RNLS: variants seen among roughly 807,000 people sequenced by gnomAD.
The protein encoded by RNLS is renalase.
In RNLS, 39 loss-of-function variants were observed where a neutral mutation model predicts 39.8. The ratio of observed to expected loss-of-function variants is 0.98; its 90% CI spans 0.76 to 1.28. The LOEUF is 1.28. Ranked by LOEUF, RNLS falls within the 50% of genes most tolerant of loss-of-function variation. RNLS has a pLI of 0.00. For missense variants in RNLS, 410 were observed against 413.3 expected (o/e 0.99, Z 0.07); for synonymous variants, 147 against 150.7 (o/e 0.98, Z 0.18).
rs188293367 is a variant in RNLS at position 88,501,989 on chromosome 10, G to A, written c.526+70914C>T. Among the ~76,000 whole-genome samples, 301 of 152,104 alleles carry A rather than the reference G, an allele frequency of 2.0e-3. 4 individuals carry two copies. The highest frequency in any genetic ancestry group is 2.7e-3 in the South Asian group (13 of 4,830). On this transcript the variant is annotated intron_variant, in intron 4 of 6. Coordinates refer to ENST00000331772, the MANE Select transcript of RNLS (RefSeq NM_001031709.3). ...ATCTGTCTCCTCTGTTAGTTTACAA[G>A]TTTCTGGAGGAAATGGAGCATAATA...
intron 4 of RNLS, among the ~76,000 whole-genome samples, chr10:88,491,952 G>GTTT (rs201580938): frequency 6.9e-6 from 1 of 144,442 alleles, no homozygotes. Context: ...GAGAAAAAGA[G>GTTT]TTTTGTTTTT....
rs918732606 is a variant in RNLS at position 88,284,482 on chromosome 10, A to T, written c.*872T>A. 2.0e-6 allele frequency: 2 copies of T among 985,230 alleles called. No homozygotes were observed. Among genetic ancestry groups the T allele is most frequent in the Non-Finnish European group, 2.4e-6 (2 of 829,910 alleles). 61.0% of individuals were successfully genotyped at this position (985,230 alleles called of 1,614,324 possible). A position where few individuals can be genotyped will look rare whatever the true frequency, so the allele number is the denominator to read the frequency against. On this transcript the variant is annotated 3_prime_UTR_variant, in exon 7 of 7. Coordinates refer to ENST00000331772, the MANE Select transcript of RNLS (RefSeq NM_001031709.3). ...ATATGCTGAACCACCAACTTGGCAA[A>T]TATTGAACTATTTTAAGTGCATCTA...
chr10:88,201,363 A>G, the RNLS span, among the ~76,000 whole-genome samples: 12 of 152,258 alleles, frequency 7.9e-5, no homozygotes, highest in South Asian at 2.5e-3. Flanking sequence ...AGAGAGTGAA[A>G]GTGATGCATG....
At chr10:88,295,983 T>C (rs1450716623) in intron 6 of RNLS, among the ~76,000 whole-genome samples, 2 of 152,170 alleles carry the variant, frequency 1.3e-5, no homozygotes, top group Non-Finnish European at 2.9e-5. Flanking sequence ...GACAGAACAA[T>C]AGTCATATTA....
intron 4 of RNLS, among the ~76,000 whole-genome samples, chr10:88,430,510 C>A (rs1380087837): frequency 2.0e-5 from 3 of 151,712 alleles, no homozygotes; most frequent in African/African-American, 7.3e-5. Flanking sequence ...TACTGTCTAA[C>A]CCCCCTAGTT....
intron 6 of RNLS, among the ~76,000 whole-genome samples, chr10:88,277,267 T>G (rs557148611): frequency 6.5e-4 from 99 of 152,092 alleles, no homozygotes; most frequent in African/African-American, 2.3e-3. Flanking sequence ...TAGGTGGGAA[T>G]TGAACAATAA....
At chr10:88,580,654 G>GA (rs1590058818) in intron 3 of RNLS, among the ~76,000 whole-genome samples, 1 of 151,994 alleles carries the variant, frequency 6.6e-6, no homozygotes, top group Non-Finnish European at 1.5e-5. Context: ...AGGAACAAAT[G>GA]AAAATCCTAA....
chr10:88,362,849 A>G, intron 4 of RNLS, 124 bp from the exon 5 acceptor site: 1 of 780,118 alleles, frequency 1.3e-6, no homozygotes, highest in Non-Finnish European at 1.9e-6. Context: ...ACTTACAATG[A>G]ATTTTGAAAG....
chr10:88,177,958 A>G, the RNLS span, among the ~76,000 whole-genome samples: 1 of 152,228 alleles, frequency 6.6e-6, no homozygotes. Flanking sequence ...GTGGGCATGC[A>G]GCATCCCTGC....
At chr10:88,501,572 AC>A (rs1314069963) in intron 4 of RNLS, among the ~76,000 whole-genome samples, 1 of 152,110 alleles carries the variant, frequency 6.6e-6, no homozygotes, top group African/African-American at 2.4e-5. Context: ...TGCCCATTGC[AC>A]CCCTGAGTTC....
At chr10:88,316,574 AT>A (rs1026130491) in intron 5 of RNLS, among the ~76,000 whole-genome samples, 2 of 152,154 alleles carry the variant, frequency 1.3e-5, no homozygotes, top group African/African-American at 4.8e-5. Flanking sequence ...TCAAAGGAAA[AT>A]GAATGCTAGC....
chr10:88,293,693 G>GAA (rs66888138), intron 6 of RNLS, among the ~76,000 whole-genome samples: 5 of 149,804 alleles, frequency 3.3e-5, no homozygotes, highest in East Asian at 3.9e-4. Flanking sequence ...ACTGGTCCAT[G>GAA]AAAAAAAAAA....
At chr10:88,270,845 G>T (rs1306686985), downstream of RNLS, among the ~76,000 whole-genome samples, 1 of 152,126 alleles carries the variant, frequency 6.6e-6, no homozygotes, top group African/African-American at 2.4e-5. Context: ...TTTGGAAAGG[G>T]TTTCTTCACT....
chr10:88,371,101 T>C (rs575097354), intron 4 of RNLS, among the ~76,000 whole-genome samples: 1 of 152,278 alleles, frequency 6.6e-6, no homozygotes, highest in South Asian at 2.1e-4. Flanking sequence ...CTGTGTGACA[T>C]TGGACGAGCT....
chr10:88,172,400 T>C, the RNLS span, among the ~76,000 whole-genome samples: 1 of 152,192 alleles, frequency 6.6e-6, no homozygotes, highest in African/African-American at 2.4e-5. Flanking sequence ...CTCATTGTGG[T>C]TTTGATTTGC....
chr10:88,414,178 T>A (rs1033380686), intron 4 of RNLS, among the ~76,000 whole-genome samples: 2 of 152,082 alleles, frequency 1.3e-5, no homozygotes, highest in African/African-American at 4.8e-5. Flanking sequence ...CTTTAGAGAT[T>A]GTATCATTAC....
intron 4 of RNLS, among the ~76,000 whole-genome samples, chr10:88,562,525 T>A (rs1337466235): frequency 6.6e-6 from 1 of 151,818 alleles, no homozygotes; most frequent in Admixed American, 6.6e-5. Context: ...CTCTGGGGAA[T>A]GGAAAGGAGG....
At chr10:88,449,228 T>C (rs537029425) in intron 4 of RNLS, among the ~76,000 whole-genome samples, 2 of 152,378 alleles carry the variant, frequency 1.3e-5, no homozygotes, top group Non-Finnish European at 2.9e-5. Flanking sequence ...TGGATCTATT[T>C]ATTGAATACT....
At chr10:88,291,502 G>A (rs1843669774) in intron 6 of RNLS, among the ~76,000 whole-genome samples, 1 of 152,170 alleles carries the variant, frequency 6.6e-6, no homozygotes. Context: ...AGCAACTCCT[G>A]ACAGACATCA....
Sources: allele counts gnomAD v4.1 joint callset (sites outside exome capture counted in the v4.1 genomes callset), GRCh38; gene constraint gnomAD v4.1.1; transcripts MANE v1.5; gene names NCBI Gene and HGNC (gene_info 2026-07-23, HGNC 2026-07-21).